The following KAT6A variants were observed in gnomAD, a reference collection of about 807,000 sequenced individuals.
The protein encoded by KAT6A is lysine acetyltransferase 6A.
KAT6A carries 9 observed loss-of-function variants against 198.4 expected under a neutral mutation model. The ratio of observed to expected loss-of-function variants is 0.05; its 90% CI spans 0.03 to 0.08. The LOEUF (loss-of-function observed/expected upper bound fraction) is 0.08. KAT6A is among the 10% of genes least tolerant of loss of function. The probability of loss-of-function intolerance (pLI) is 1.00; values close to 1 mark genes in which losing one functional copy is unlikely to be tolerated. For missense variants in KAT6A, 2,077 were observed against 2,509.9 expected, an observed-to-expected ratio of 0.83 and a Z score of 3.69; for synonymous variants, 890 against 883.0, an observed-to-expected ratio of 1.01 and a Z score of -0.14.
intron 2 of KAT6A, among the ~76,000 whole-genome samples, chr8:42,045,571 A>C (rs907648582): frequency 2.0e-5 from 3 of 151,740 alleles, no homozygotes; most frequent in Admixed American, 6.6e-5. Context: ...TCAAAAAAAA[A>C]AAAAAAACAA....
At chr8:41,985,711 G>A (rs1374252207) in intron 3 of KAT6A, among the ~76,000 whole-genome samples, 1 of 152,148 alleles carries the variant, frequency 6.6e-6, no homozygotes, top group African/African-American at 2.4e-5. Context: ...CCCAGAGTCA[G>A]TCCTTAAAGC....
Position 41,934,275 on chromosome 8 carries a change from G to A in KAT6A, c.3945C>T (p.Asp1315=), listed in dbSNP as rs200257581. 64 of 1,613,938 alleles carry A rather than the reference G, an allele frequency of 4.0e-5. No individual in the cohort carries two copies. The East Asian group carries it at 4.7e-4, about 12-fold the overall frequency. The change falls in exon 17 of 17, where the codon GAC becomes GAT. Residue 1315 remains aspartate, a synonymous_variant. Transcript: ENST00000265713. Reference sequence around the variant, plus strand: ...GGTGGCCATCATCCTCATCATCAGCGTCGTGGTCGTCATTCTGGGCAGTCT... The same window carrying A: ...GGTGGCCATCATCCTCATCATCAGCATCGTGGTCGTCATTCTGGGCAGTCT... ...AAETAQNDDH[D]ADDEDDGHLE... is the part of the protein sequence containing the mutation.
intron 2 of KAT6A, among the ~76,000 whole-genome samples, chr8:42,011,356 C>T (rs1826007938): frequency 6.6e-6 from 1 of 152,160 alleles, no homozygotes; most frequent in African/African-American, 2.4e-5. Context: ...CTTTCAAGTT[C>T]CTACATTACC....
rs1377472860 is a variant in KAT6A, at chr8:41,934,611, C to G, written c.3609G>C (p.Lys1203Asn). Residue 1203 changes from lysine (K) to asparagine (N), a missense_variant, in exon 17 of 17, where the codon AAG (lysine) becomes AAC (asparagine). By Grantham distance (94) the Lys-to-Asn change is moderately conservative. Around this residue, in one of 13 missense-constraint regions of KAT6A, gnomAD observed 375 missense variants for 383.0 expected, o/e 0.98. Transcript: ENST00000265713. ...VSIPKAGRKP[K>N]IQESEETVEP... ...CAACAGTTTCTTCACTCTCCTGGAT[C>G]TTGGGTTTACGTCCAGCTTTAGGAA... 3 of 1,614,076 alleles carry G rather than the reference C, an allele frequency of 1.9e-6. No homozygotes were observed. Among genetic ancestry groups the G allele is most frequent in the Non-Finnish European group, 8.5e-7 (1 of 1,180,018 alleles).
intron 2 of KAT6A, among the ~76,000 whole-genome samples, chr8:42,009,910 A>AAAAAC (rs1825936877): frequency 7.2e-6 from 1 of 138,902 alleles, no homozygotes; most frequent in African/African-American, 2.7e-5. Flanking sequence ...AAAAAAAAAA[A>AAAAAC]AAAACAAAAA....
At chr8:42,011,282 CACT>C (rs1173943150) in intron 2 of KAT6A, among the ~76,000 whole-genome samples, 1 of 152,054 alleles carries the variant, frequency 6.6e-6, no homozygotes, top group Non-Finnish European at 1.5e-5. Context: ...CCTCTAAAAC[CACT>C]GACACATTTT....
At chr8:41,951,170 T>TAA (rs879644178) in intron 9 of KAT6A, among the ~76,000 whole-genome samples, 2 of 138,376 alleles carry the variant, frequency 1.4e-5, no homozygotes, top group East Asian at 2.1e-4. Flanking sequence ...TATTGATGAT[T>TAA]AAAAAAAAAA....
rs1821522301 is a variant in KAT6A at position 41,931,163 on chromosome 8, G to C, written c.*1042C>G. 4.5e-6 allele frequency: 1 copy of C among 222,296 alleles called. No homozygotes were observed. The highest frequency in any genetic ancestry group is 5.8e-5 in the Admixed American group (1 of 17,380). The allele number at this position is 222,296 out of a possible 1,614,324, so 13.8% of individuals were successfully genotyped here. Reference sequence around the variant, plus strand: ...CAACAATTTAAGAAAGAACCTAAGAGGCAAATCACTGGGGACTGCTATTTG... The same window carrying C: ...CAACAATTTAAGAAAGAACCTAAGACGCAAATCACTGGGGACTGCTATTTG... On this transcript the variant is annotated 3_prime_UTR_variant, in exon 17 of 17. Coordinates refer to ENST00000265713, the MANE Select transcript of KAT6A (RefSeq NM_006766.5).
chr8:41,989,310 A>G (rs1465684068), intron 2 of KAT6A, among the ~76,000 whole-genome samples: 1 of 152,084 alleles, frequency 6.6e-6, no homozygotes, highest in Non-Finnish European at 1.5e-5. Context: ...GGAGTTTGAG[A>G]CCAGCATGGC....
chr8:42,026,322 T>C (rs1356621002), intron 2 of KAT6A, among the ~76,000 whole-genome samples: 1 of 152,206 alleles, frequency 6.6e-6, no homozygotes, highest in Non-Finnish European at 1.5e-5. Context: ...TTGATGGTAT[T>C]TTTATGGGGA....
In KAT6A at chr8:41,932,157, T is replaced by C; in HGVS notation, c.*48A>G. On this transcript the variant is annotated 3_prime_UTR_variant, in exon 17 of 17. Transcript: ENST00000265713. ...TTCTCTGGTTTGTCAGTATAAAAGGTTCCTTTATTTATATATATTTAAGTT... is the reference window on the plus strand; with the variant it reads ...TTCTCTGGTTTGTCAGTATAAAAGGCTCCTTTATTTATATATATTTAAGTT... The C allele has an allele frequency of 7.0e-7, 1 of 1,425,320 alleles. No homozygotes were observed. The highest frequency in any genetic ancestry group is 9.2e-7 in the Non-Finnish European group (1 of 1,081,894). The allele number at this position is 1,425,320 out of a possible 1,614,324, so 88.3% of individuals were successfully genotyped here.
At chr8:41,938,859 G>A (rs568690515) in intron 15 of KAT6A, among the ~76,000 whole-genome samples, 2 of 150,664 alleles carry the variant, frequency 1.3e-5, no homozygotes, top group African/African-American at 2.4e-5. Flanking sequence ...AGGTGGGAGC[G>A]TTGCTTGCAT....
chr8:42,003,291 A>G (rs1825582286), intron 2 of KAT6A, among the ~76,000 whole-genome samples: 1 of 152,166 alleles, frequency 6.6e-6, no homozygotes, highest in Admixed American at 6.5e-5. Flanking sequence ...GCCCAACAGC[A>G]GCAGGGCAAG....
chr8:41,947,431 T>C (rs986279439), intron 11 of KAT6A, among the ~76,000 whole-genome samples: 4 of 152,212 alleles, frequency 2.6e-5, no homozygotes, highest in Non-Finnish European at 4.4e-5. Context: ...GAAGAGAAGA[T>C]TGAAGCTGAG....
chr8:42,050,026 G>A (rs564282167), intron 1 of KAT6A, among the ~76,000 whole-genome samples: 3 of 151,848 alleles, frequency 2.0e-5, no homozygotes, highest in African/African-American at 7.2e-5. Flanking sequence ...CTATTCATAT[G>A]CTGAAGAGAG....
At chr8:42,008,316 A>G (rs985110539) in intron 2 of KAT6A, among the ~76,000 whole-genome samples, 2 of 152,132 alleles carry the variant, frequency 1.3e-5, no homozygotes, top group Non-Finnish European at 2.9e-5. Flanking sequence ...CTAGAGCCTA[A>G]AAACTGAAAC....
At chr8:41,961,448 A>T (rs754183413) in intron 8 of KAT6A, among the ~76,000 whole-genome samples, 1 of 152,102 alleles carries the variant, frequency 6.6e-6, no homozygotes, top group Admixed American at 6.5e-5. Context: ...TATTCATTCC[A>T]TATTTTAAAA....
Position 41,932,795 on chromosome 8 carries a change from T to C in KAT6A, c.5425A>G (p.Thr1809Ala), listed in dbSNP as rs750924103. ...GCCAAGTTTGGGGGTGGCGTCATGG[T>C]GGCTTGTGCTTGAGGAGTCCCAGCT... ...PLAGTPQAQA[T>A]MTPPPNLAST... The change falls in exon 17 of 17, where the codon ACC (threonine) becomes GCC (alanine). Residue 1809 changes from threonine to alanine, a missense_variant. Around this residue, in one of 13 missense-constraint regions of KAT6A, gnomAD observed 500 missense variants for 577.2 expected, o/e 0.87. Coordinates refer to ENST00000265713, the MANE Select transcript of KAT6A (RefSeq NM_006766.5). 19 of 1,614,008 alleles carry C rather than the reference T, an allele frequency of 1.2e-5. No individual in the cohort carries two copies. The highest frequency in any genetic ancestry group is 2.7e-5 in the African/African-American group (2 of 74,928).
At chr8:42,038,643 A>G (rs1281249651) in intron 2 of KAT6A, among the ~76,000 whole-genome samples, 1 of 152,190 alleles carries the variant, frequency 6.6e-6, no homozygotes, top group Non-Finnish European at 1.5e-5. Context: ...TTGGCTCTCA[A>G]ATTTCCCTAT....
Sources: gnomAD v4.1 joint callset for allele counts (sites outside exome capture counted in the v4.1 genomes callset) on GRCh38, gnomAD v4.1.1 for gene constraint, gnomAD v4.1.1 regional missense constraint, MANE v1.5 for transcripts, NCBI Gene and HGNC (gene_info 2026-07-23, HGNC 2026-07-21) for gene names.